The following LRMDA variants were observed in gnomAD, a reference collection of about 807,000 sequenced individuals.
LRMDA encodes the protein leucine rich melanocyte differentiation associated, also known as leucine-rich melanocyte differentiation-associated protein.
A neutral mutation model predicts 29.8 loss-of-function variants in LRMDA; 18 were observed. The ratio of observed to expected loss-of-function variants is 0.60; its 90% confidence interval spans 0.42 to 0.90. LRMDA has a LOEUF of 0.90. LRMDA is among the 40% of genes least tolerant of loss of function. LRMDA has a pLI of 0.00. For synonymous variants in LRMDA, 125 were observed against 109.4 expected, an observed-to-expected ratio of 1.14 and a Z score of -0.89; for missense variants, 273 against 273.9, an observed-to-expected ratio of 1.00 and a Z score of 0.02.
chr10:76,232,262 T>C (rs1852072126), intron 5 of LRMDA, among the ~76,000 whole-genome samples: 1 of 152,224 alleles, frequency 6.6e-6, no homozygotes, highest in Non-Finnish European at 1.5e-5. Flanking sequence ...TTTATTTATA[T>C]TTCTGATGAT....
At chr10:76,290,223 GT>G (rs1464574619) in intron 5 of LRMDA, among the ~76,000 whole-genome samples, 1 of 152,006 alleles carries the variant, frequency 6.6e-6, no homozygotes, top group Non-Finnish European at 1.5e-5. Context: ...GAGTCAGCTG[GT>G]TTAAAGAGTT....
intron 5 of LRMDA, among the ~76,000 whole-genome samples, chr10:76,276,862 C>T (rs977801042): frequency 2.6e-5 from 4 of 152,070 alleles, no homozygotes; most frequent in Admixed American, 2.6e-4. Context: ...CAATCTTGGT[C>T]CAGTTTTCAA....
intron 5 of LRMDA, among the ~76,000 whole-genome samples, chr10:76,122,250 T>A (rs1235459978): frequency 6.6e-6 from 1 of 152,022 alleles, no homozygotes. Context: ...CCTGATCACC[T>A]TAAGTCTCAG....
intron 2 of LRMDA, among the ~76,000 whole-genome samples, chr10:75,889,614 C>G (rs1845449590): frequency 6.6e-6 from 1 of 152,164 alleles, no homozygotes; most frequent in Non-Finnish European, 1.5e-5. Context: ...TGCAATTGTG[C>G]CAGCACACGC....
At chr10:76,326,714 T>C (rs1231827693) in intron 6 of LRMDA, among the ~76,000 whole-genome samples, 1 of 152,234 alleles carries the variant, frequency 6.6e-6, no homozygotes, top group Non-Finnish European at 1.5e-5. Context: ...TCCCTTTACT[T>C]GTCCTTTTAT....
intron 5 of LRMDA, among the ~76,000 whole-genome samples, chr10:76,212,280 A>G (rs868481292): frequency 1.0e-4 from 15 of 148,752 alleles, no homozygotes; most frequent in Non-Finnish European, 1.5e-4. Flanking sequence ...AAAAAAAAAA[A>G]CTATAGAGAA....
intron 6 of LRMDA, among the ~76,000 whole-genome samples, chr10:76,504,831 C>A (rs1435510254): frequency 6.6e-6 from 1 of 151,898 alleles, no homozygotes; most frequent in Non-Finnish European, 1.5e-5. Flanking sequence ...GAGATTTTGA[C>A]CCTGTCATCA....
chr10:76,326,563 A>T (rs953374447), intron 6 of LRMDA, among the ~76,000 whole-genome samples: 3 of 152,200 alleles, frequency 2.0e-5, no homozygotes, highest in African/African-American at 7.2e-5. Context: ...TTTTGTCTAT[A>T]CAATCCTCAG....
intron 2 of LRMDA, among the ~76,000 whole-genome samples, chr10:75,993,762 T>TATTCCCTC (rs1338668743): frequency 1.3e-5 from 2 of 152,034 alleles, no homozygotes; most frequent in Admixed American, 1.3e-4. Flanking sequence ...ATGACTCATT[T>TATTCCCTC]ATTCCCTCAG....
At chr10:76,437,215 C>T (rs751160612) in intron 6 of LRMDA, among the ~76,000 whole-genome samples, 2 of 152,210 alleles carry the variant, frequency 1.3e-5, no homozygotes, top group Non-Finnish European at 2.9e-5. Context: ...CAGCTGGTCT[C>T]ATTCCTCTGC....
intron 2 of LRMDA, among the ~76,000 whole-genome samples, chr10:75,926,470 A>G (rs552051667): frequency 2.0e-5 from 3 of 152,344 alleles, no homozygotes; most frequent in African/African-American, 2.4e-5. Context: ...GCCGGTTTCC[A>G]GAAGATGGAG....
At chr10:75,715,534 A>G (rs1842489477) in intron 2 of LRMDA, among the ~76,000 whole-genome samples, 1 of 152,184 alleles carries the variant, frequency 6.6e-6, no homozygotes, top group Non-Finnish European at 1.5e-5. Context: ...ATTTGCACAT[A>G]TCAATATGTA....
chr10:76,550,598 C>A (rs1431381082), intron 6 of LRMDA, among the ~76,000 whole-genome samples: 1 of 151,474 alleles, frequency 6.6e-6, no homozygotes, highest in Non-Finnish European at 1.5e-5. Flanking sequence ...TAAACCGAGA[C>A]ACTTGCCTGA....
intron 2 of LRMDA, among the ~76,000 whole-genome samples, chr10:75,919,298 CAGG>C (rs915602893): frequency 3.3e-5 from 5 of 152,164 alleles, no homozygotes; most frequent in Non-Finnish European, 7.4e-5. Context: ...GACTAAGAAA[CAGG>C]AGAATAGTGA....
intron 2 of LRMDA, among the ~76,000 whole-genome samples, chr10:76,010,278 G>A (rs926464682): frequency 2.0e-5 from 3 of 151,524 alleles, no homozygotes; most frequent in African/African-American, 7.3e-5. Context: ...CCAGGTCCAT[G>A]ATGGTGTTTA....
intron 5 of LRMDA, among the ~76,000 whole-genome samples, chr10:76,167,810 T>C (rs925633765): frequency 1.9e-4 from 29 of 152,336 alleles, no homozygotes; most frequent in African/African-American, 6.5e-4. Flanking sequence ...GGTAGTTTAA[T>C]GGGACTAGCA....
intron 2 of LRMDA, among the ~76,000 whole-genome samples, chr10:75,514,465 G>A (rs1338826658): frequency 6.6e-6 from 1 of 151,944 alleles, no homozygotes; most frequent in East Asian, 1.9e-4. Context: ...TGTGTAGGGG[G>A]TCTGATATAG....
intron 2 of LRMDA, among the ~76,000 whole-genome samples, chr10:75,917,142 GC>G (rs1845947840): frequency 6.6e-6 from 1 of 152,224 alleles, no homozygotes; most frequent in African/African-American, 2.4e-5. Flanking sequence ...AGCTTAGGAT[GC>G]CTGCTGTGCA....
intron 2 of LRMDA, among the ~76,000 whole-genome samples, chr10:75,782,513 T>C (rs1179315041): frequency 6.6e-6 from 1 of 152,190 alleles, no homozygotes; most frequent in African/African-American, 2.4e-5. Flanking sequence ...CTTCTTCCAC[T>C]TTATATTGAG....
Sources: gnomAD v4.1 joint callset for allele counts (sites outside exome capture counted in the v4.1 genomes callset) on GRCh38, gnomAD v4.1.1 for gene constraint, MANE v1.5 for transcripts, NCBI Gene and HGNC (gene_info 2026-07-23, HGNC 2026-07-21) for gene names.